ADGRL3: variants seen among roughly 807,000 people sequenced by gnomAD.
ADGRL3 encodes adhesion G protein-coupled receptor L3.
In ADGRL3, 62 loss-of-function variants were observed where a neutral mutation model predicts 153.5. That is an observed-to-expected ratio of 0.40 (90% confidence interval 0.33 to 0.50). The LOEUF (loss-of-function observed/expected upper bound fraction) is 0.50, where lower values mean the gene tolerates loss of function less well. Among genes scored for constraint, ADGRL3 ranks in the 20% least tolerant of loss-of-function variants. ADGRL3 has a pLI of 0.47. For missense variants in ADGRL3, 1,641 were observed against 1,859.4 expected (o/e 0.88, Z 2.16); for synonymous variants, 710 against 672.5 (o/e 1.06, Z -0.86).
At chr4:61,531,625 A>T (rs2098616336) in intron 4 of ADGRL3, among the ~76,000 whole-genome samples, 1 of 152,182 alleles carries the variant, frequency 6.6e-6, no homozygotes, top group Admixed American at 6.5e-5. Flanking sequence ...AAATCTGAAG[A>T]TTTAACTCCT....
At chr4:61,596,490 A>G (rs1341886347) in intron 5 of ADGRL3, among the ~76,000 whole-genome samples, 2 of 152,092 alleles carry the variant, frequency 1.3e-5, no homozygotes, top group Non-Finnish European at 2.9e-5. Context: ...TAGCATTCTG[A>G]TTTTATTTTT....
intron 2 of ADGRL3, among the ~76,000 whole-genome samples, chr4:61,388,036 T>C (rs1284166119): frequency 1.3e-5 from 2 of 152,168 alleles, no homozygotes; most frequent in African/African-American, 4.8e-5. Flanking sequence ...TCCCTCCATT[T>C]GGGGTCCCTG....
At chr4:61,450,763 TAAAC>T (rs2097663876) in intron 2 of ADGRL3, among the ~76,000 whole-genome samples, 1 of 152,102 alleles carries the variant, frequency 6.6e-6, no homozygotes, top group African/African-American at 2.4e-5. Context: ...ACAATAGCCT[TAAAC>T]ATTTCGAACA....
intron 8 of ADGRL3, among the ~76,000 whole-genome samples, chr4:61,740,551 G>A (rs752584452): frequency 6.6e-6 from 1 of 152,174 alleles, no homozygotes; most frequent in Non-Finnish European, 1.5e-5. Flanking sequence ...CCTACAGTTT[G>A]TTTCTAAGCT....
At chr4:61,498,639 A>G (rs1015414858) in intron 3 of ADGRL3, among the ~76,000 whole-genome samples, 6 of 152,172 alleles carry the variant, frequency 3.9e-5, no homozygotes, top group African/African-American at 1.2e-4. Context: ...GAAACATGCT[A>G]ATATACTTAA....
At position 61,996,276 on chromosome 4, in the gene ADGRL3, T is replaced by G; in HGVS notation, c.3237-15T>G. 1 of 1,599,580 alleles carries G rather than the reference T, an allele frequency of 6.3e-7. No homozygotes were observed. The highest frequency in any genetic ancestry group is 8.6e-7 in the Non-Finnish European group (1 of 1,166,974). Reference sequence around the variant, plus strand: ...CAGTCCTTGAATACCTTCTCTCCCTTGTGTTTCATTGCAGATGTTGGCTCC... The same window carrying G: ...CAGTCCTTGAATACCTTCTCTCCCTGGTGTTTCATTGCAGATGTTGGCTCC... On this transcript the variant is annotated splice_polypyrimidine_tract_variant and intron_variant, in intron 19 of 26. Coordinates refer to ENST00000683033, the MANE Select transcript of ADGRL3 (RefSeq NM_001387552.1).
chr4:61,500,052 A>AGAGG (rs2098369150), intron 3 of ADGRL3, among the ~76,000 whole-genome samples: 1 of 151,430 alleles, frequency 6.6e-6, no homozygotes, highest in Admixed American at 6.6e-5. Flanking sequence ...AGAGAGAGAG[A>AGAGG]GAGAGAGAGA....
intron 17 of ADGRL3, among the ~76,000 whole-genome samples, chr4:61,972,899 A>G (rs1449396965): frequency 1.3e-5 from 2 of 152,116 alleles, no homozygotes; most frequent in Non-Finnish European, 2.9e-5. Context: ...TTGTGCAAAA[A>G]GTAAAACAGG....
chr4:61,653,170 TCACACACACACA>T (rs34273823), intron 5 of ADGRL3, among the ~76,000 whole-genome samples: 2 of 90,966 alleles, frequency 2.2e-5, no homozygotes, highest in African/African-American at 6.5e-5. Flanking sequence ...TCTCTCTCTC[TCACACACACACA>T]CACACACACA....
At chr4:61,280,571 T>A (rs138347773) in intron 1 of ADGRL3, among the ~76,000 whole-genome samples, 2 of 152,252 alleles carry the variant, frequency 1.3e-5, no homozygotes, top group Non-Finnish European at 2.9e-5. Flanking sequence ...AATTAAAATT[T>A]CCTTCCCCAA....
chr4:61,580,329 A>G (rs1044025716), intron 4 of ADGRL3, among the ~76,000 whole-genome samples: 2 of 152,084 alleles, frequency 1.3e-5, no homozygotes, highest in African/African-American at 2.4e-5. Flanking sequence ...TTTAGCACCT[A>G]TTAGTAATTC....
rs1581777712 is a variant in ADGRL3 at position 61,991,768 on chromosome 4, A to G, written c.3237-4523A>G. 2.6e-5 allele frequency among the ~76,000 whole-genome samples: 4 copies of G among 151,724 alleles called. No homozygotes were observed. In the South Asian group the frequency reaches 8.3e-4, roughly 32 times the overall value. On this transcript the variant is annotated intron_variant, in intron 19 of 26. Transcript: ENST00000683033. Reference sequence around the variant, plus strand: ...CATATTATGCAATAAGCTGGGGCCTAGATTTATTATACTTGGCATATATAC... The same window carrying G: ...CATATTATGCAATAAGCTGGGGCCTGGATTTATTATACTTGGCATATATAC...
chr4:61,751,818 A>G (rs1389692572), intron 8 of ADGRL3, among the ~76,000 whole-genome samples: 1 of 152,168 alleles, frequency 6.6e-6, no homozygotes, highest in Non-Finnish European at 1.5e-5. Context: ...GCTTATATCT[A>G]TGAGCAGGAT....
At chr4:61,816,566 A>T (rs188006913) in intron 9 of ADGRL3, among the ~76,000 whole-genome samples, 1 of 152,374 alleles carries the variant, frequency 6.6e-6, no homozygotes, top group East Asian at 1.9e-4. Context: ...GAATTAGAAC[A>T]ATTTATAAAC....
intron 16 of ADGRL3, 78 bp from the exon 17 acceptor site, chr4:61,948,022 A>T (rs2098932625): frequency 3.4e-6 from 4 of 1,167,430 alleles, no homozygotes; most frequent in African/African-American, 1.5e-5. Flanking sequence ...AAGTTGTATT[A>T]TATGTAAAGA....
chr4:61,483,263 A>T (rs2098150736), intron 2 of ADGRL3, among the ~76,000 whole-genome samples: 1 of 152,176 alleles, frequency 6.6e-6, no homozygotes, highest in Admixed American at 6.5e-5. Flanking sequence ...ATTTGTATAG[A>T]CATCTTTAGG....
intron 11 of ADGRL3, among the ~76,000 whole-genome samples, chr4:61,900,911 C>G (rs2098661091): frequency 6.6e-6 from 1 of 152,130 alleles, no homozygotes; most frequent in Non-Finnish European, 1.5e-5. Flanking sequence ...GGCAAAATAC[C>G]CGATTTCTCA....
chr4:61,875,948 G>A (rs1300618755), intron 9 of ADGRL3, among the ~76,000 whole-genome samples: 1 of 152,084 alleles, frequency 6.6e-6, no homozygotes, highest in Non-Finnish European at 1.5e-5. Context: ...CACTTTGGGA[G>A]GCCAAGGTGG....
chr4:61,447,600 G>C (rs146982010), intron 2 of ADGRL3, among the ~76,000 whole-genome samples: 9 of 152,288 alleles, frequency 5.9e-5, no homozygotes, highest in African/African-American at 2.2e-4. Flanking sequence ...AATCAGCATT[G>C]TACATAGAAA....
Sources: gnomAD v4.1 joint callset for allele counts (sites outside exome capture counted in the v4.1 genomes callset) on GRCh38, gnomAD v4.1.1 for gene constraint, MANE v1.5 for transcripts, NCBI Gene and HGNC (gene_info 2026-07-23, HGNC 2026-07-21) for gene names.